Variants in EPM2A observed in about 807,000 individuals in gnomAD.
The protein encoded by EPM2A is EPM2A glucan phosphatase, laforin, also known as laforin.
In EPM2A, 21 loss-of-function variants were observed where a neutral mutation model predicts 26.5. The observed-to-expected ratio is 0.79, with a 90% CI of 0.56 to 1.14. The LOEUF (loss-of-function observed/expected upper bound fraction) is 1.14, where lower values mean the gene tolerates loss of function less well. EPM2A is among the 50% of genes most tolerant of loss of function. The pLI is 0.00. For missense variants in EPM2A, 458 were observed against 440.8 expected (o/e 1.04, Z -0.35); for synonymous variants, 217 against 177.6 (o/e 1.22, Z -1.76).
intron 2 of EPM2A, among the ~76,000 whole-genome samples, chr6:145,533,287 C>G (rs1780386976): frequency 1.3e-5 from 2 of 152,120 alleles, no homozygotes; most frequent in Admixed American, 1.3e-4. Context: ...ACTACCACAG[C>G]CCAAGCTATT....
intron 4 of EPM2A, chr6:145,492,023 G>A: frequency 2.7e-6 from 1 of 374,500 alleles, no homozygotes; most frequent in South Asian, 2.2e-5. Flanking sequence ...TGTTTATTCA[G>A]TCAGTCGAGG....
chr6:145,428,188 TAA>T (rs1203478621), intron 4 of EPM2A, among the ~76,000 whole-genome samples: 5 of 151,014 alleles, frequency 3.3e-5, no homozygotes, highest in Non-Finnish European at 5.9e-5. Context: ...CTCAAAATCA[TAA>T]GACACATAAT....
At chr6:145,677,767 C>G (rs552580823) in intron 2 of EPM2A, among the ~76,000 whole-genome samples, 1 of 152,098 alleles carries the variant, frequency 6.6e-6, no homozygotes, top group Admixed American at 6.6e-5. Flanking sequence ...CACTGCTCAA[C>G]AAAATAAAAG....
At chr6:145,597,173 C>A (rs540989361) in intron 2 of EPM2A, among the ~76,000 whole-genome samples, 4 of 151,762 alleles carry the variant, frequency 2.6e-5, no homozygotes, top group Admixed American at 6.6e-5. Flanking sequence ...GGATTACAGG[C>A]GTGAGCCACC....
At chr6:145,439,228 T>A (rs1212255964) in intron 4 of EPM2A, among the ~76,000 whole-genome samples, 6 of 152,214 alleles carry the variant, frequency 3.9e-5, no homozygotes, top group African/African-American at 7.2e-5. Context: ...GGCTTTTAGG[T>A]TTATTCCATG....
intron 2 of EPM2A, among the ~76,000 whole-genome samples, chr6:145,524,213 C>A (rs1407122858): frequency 6.6e-6 from 1 of 152,112 alleles, no homozygotes; most frequent in Non-Finnish European, 1.5e-5. Flanking sequence ...AGGTTAATAT[C>A]TTTGCTATAG....
At chr6:145,390,563 T>TTCTCTCTCTC (rs61299104) in intron 4 of EPM2A, among the ~76,000 whole-genome samples, 2,110 of 148,528 alleles carry the variant, frequency 0.014, 15 homozygotes, top group East Asian at 0.04. Context: ...TGCATGCACA[T>TTCTCTCTCTC]TCTCTCTCTC....
chr6:145,724,280 T>C (rs1776088871), intron 1 of EPM2A, among the ~76,000 whole-genome samples: 1 of 152,118 alleles, frequency 6.6e-6, no homozygotes, highest in Non-Finnish European at 1.5e-5. Context: ...ATTTATTTCC[T>C]AGATATCAGC....
chr6:145,693,080 T>C (rs943293513), intron 1 of EPM2A, among the ~76,000 whole-genome samples: 1 of 152,062 alleles, frequency 6.6e-6, no homozygotes, highest in African/African-American at 2.4e-5. Flanking sequence ...GTGTCATCCC[T>C]GACTCCTTTG....
chr6:145,514,762 G>A (rs978563031), intron 2 of EPM2A, among the ~76,000 whole-genome samples: 1 of 152,138 alleles, frequency 6.6e-6, no homozygotes, highest in South Asian at 2.1e-4. Flanking sequence ...TACTGCACTC[G>A]ACAGTCTCTC....
At chr6:145,694,607 G>A (rs377308942) in intron 1 of EPM2A, among the ~76,000 whole-genome samples, 1 of 151,956 alleles carries the variant, frequency 6.6e-6, no homozygotes, top group Admixed American at 6.6e-5. Context: ...AGATTGACAA[G>A]AAGAAGGAAA....
At chr6:145,484,229 G>A (rs991377204) in intron 4 of EPM2A, among the ~76,000 whole-genome samples, 1 of 152,032 alleles carries the variant, frequency 6.6e-6, no homozygotes, top group Admixed American at 6.6e-5. Flanking sequence ...TTTCAGTCCT[G>A]TAATACATTT....
intron 2 of EPM2A, among the ~76,000 whole-genome samples, chr6:145,598,364 T>C (rs1323737498): frequency 6.6e-6 from 1 of 152,140 alleles, no homozygotes; most frequent in Non-Finnish European, 1.5e-5. Flanking sequence ...TGGCCCTATG[T>C]ATGTCTTCTT....
chr6:145,387,331 A>G (rs1392594393), intron 4 of EPM2A, among the ~76,000 whole-genome samples: 3 of 152,204 alleles, frequency 2.0e-5, no homozygotes, highest in Non-Finnish European at 2.9e-5. Flanking sequence ...AATCACATCA[A>G]GCTTCTTCAG....
chr6:145,542,261 CT>C (rs1396939785), intron 2 of EPM2A, among the ~76,000 whole-genome samples: 10 of 152,326 alleles, frequency 6.6e-5, no homozygotes, highest in Admixed American at 5.2e-4. Flanking sequence ...TCTAAATTCC[CT>C]TTGCCATAAC....
intron 2 of EPM2A, among the ~76,000 whole-genome samples, chr6:145,508,473 C>G (rs193151758): frequency 6.6e-6 from 1 of 152,134 alleles, no homozygotes; most frequent in Non-Finnish European, 1.5e-5. Flanking sequence ...ACCAAGGAGC[C>G]CTTACAGAGC....
rs111502422 is a variant in EPM2A at position 145,646,584 on chromosome 6, TC to T, written c.477-11099del. 7.6e-3 allele frequency among the ~76,000 whole-genome samples: 1,151 copies of T among 152,210 alleles called. 18 individuals carry two copies. Among genetic ancestry groups the T allele is most frequent in the African/African-American group, 0.026 (1,091 of 41,526 alleles). Reference sequence around the variant, plus strand: ...CACATTTATTCTTACCATGCTTCCGTCCCCTTCATAAACTGTGTCCCTCACA... The same window carrying T: ...CACATTTATTCTTACCATGCTTCCGTCCCTTCATAAACTGTGTCCCTCACA... On this transcript the variant is annotated intron_variant, in intron 2 of 3. Transcript: ENST00000367519.
At chr6:145,465,092 C>T (rs1489826670) in intron 4 of EPM2A, among the ~76,000 whole-genome samples, 1 of 151,952 alleles carries the variant, frequency 6.6e-6, no homozygotes, top group Admixed American at 6.6e-5. Context: ...TTCCATTCTC[C>T]CCGTCACTTT....
intron 1 of EPM2A, among the ~76,000 whole-genome samples, chr6:145,716,705 C>T (rs1313206639): frequency 6.6e-6 from 1 of 152,074 alleles, no homozygotes; most frequent in Admixed American, 6.6e-5. Flanking sequence ...CCCTCATCAC[C>T]ACCACACACC....
Sources: allele counts gnomAD v4.1 joint callset (sites outside exome capture counted in the v4.1 genomes callset), GRCh38; gene constraint gnomAD v4.1.1; transcripts MANE v1.5; gene names NCBI Gene and HGNC (gene_info 2026-07-23, HGNC 2026-07-21).